FBXL13: variants seen among roughly 807,000 people sequenced by gnomAD.
FBXL13 encodes F-box and leucine-rich repeat protein 13.
A neutral mutation model predicts 83.6 loss-of-function variants in FBXL13; 67 were observed. The observed-to-expected ratio is 0.80, with a 90% CI of 0.66 to 0.98. The LOEUF (loss-of-function observed/expected upper bound fraction) is 0.98. Among genes scored for constraint, FBXL13 ranks in the 50% least tolerant of loss-of-function variants. FBXL13 has a pLI of 0.00. For missense variants in FBXL13, 822 were observed against 866.5 expected, an observed-to-expected ratio of 0.95 and a Z score of 0.64; for synonymous variants, 272 against 299.5, an observed-to-expected ratio of 0.91 and a Z score of 0.95.
At chr7:102,848,905 C>T (rs1003785906) in intron 17 of FBXL13, among the ~76,000 whole-genome samples, 1 of 152,076 alleles carries the variant, frequency 6.6e-6, no homozygotes, top group African/African-American at 2.4e-5. Flanking sequence ...GAGGCTGAGG[C>T]AGGGGAATCA....
At chr7:102,921,012 C>T (rs1025583856) in intron 10 of FBXL13, among the ~76,000 whole-genome samples, 9 of 151,910 alleles carry the variant, frequency 5.9e-5, no homozygotes, top group African/African-American at 1.9e-4. Context: ...ATTAGCCTGG[C>T]GTGGTGGCGG....
In FBXL13 at chr7:102,962,774, C is replaced by T. The variant is rs548716995; in HGVS notation, c.724+759G>A. The stretch of plus-strand genomic sequence containing the variant: ...ACATATTCTCACTCATAGGTGGGAA[C>T]TGAACAATGAGATCACATGGACACA... On this transcript the variant is annotated intron_variant, in intron 8 of 19. Transcript: ENST00000313221. Among the ~76,000 whole-genome samples the T allele has an allele frequency of 2.3e-4, 34 of 145,474 alleles. No individual in the cohort carries two copies. In the South Asian group the frequency reaches 4.3e-3, roughly 18 times the overall value.
At chr7:102,893,687 G>A in intron 11 of FBXL13, among the ~76,000 whole-genome samples, 1 of 150,278 alleles carries the variant, frequency 6.7e-6, no homozygotes, top group Non-Finnish European at 1.5e-5. Context: ...AGAATGGTGT[G>A]AACCTGGGAG....
intron 8 of FBXL13, among the ~76,000 whole-genome samples, chr7:102,950,234 T>A (rs533311817): frequency 1.3e-5 from 2 of 152,292 alleles, no homozygotes; most frequent in South Asian, 4.1e-4. Context: ...ATAACAAATG[T>A]CATCAGGGAA....
At chr7:102,878,409 G>C (rs770563594) in exon 15 of FBXL13, 1 of 1,607,876 alleles carries the variant, frequency 6.2e-7, no homozygotes, top group Non-Finnish European at 8.5e-7. Flanking sequence ...CCTCATGCTT[G>C]CAGGACCATC....
chr7:102,958,333 CAAT>C (rs1169043624), intron 8 of FBXL13, among the ~76,000 whole-genome samples: 1 of 150,170 alleles, frequency 6.7e-6, no homozygotes, highest in Non-Finnish European at 1.5e-5. Context: ...GGGAAATGAA[CAAT>C]GAGATCACTT....
intron 19 of FBXL13, chr7:102,816,161 G>T (rs1415560641): frequency 6.6e-6 from 1 of 152,110 alleles, no homozygotes; most frequent in Non-Finnish European, 1.5e-5. Flanking sequence ...AACATCAGTG[G>T]GTCCCTGACT....
chr7:102,932,798 G>C (rs1356341331), intron 8 of FBXL13, among the ~76,000 whole-genome samples: 1 of 151,890 alleles, frequency 6.6e-6, no homozygotes, highest in Non-Finnish European at 1.5e-5. Flanking sequence ...TTGTAGAGAC[G>C]GGGTTTCCCC....
At chr7:102,826,732 T>TATATATAC (rs1799711236) in intron 18 of FBXL13, among the ~76,000 whole-genome samples, 1 of 40,404 alleles carries the variant, frequency 2.5e-5, no homozygotes, top group Non-Finnish European at 4.1e-5. Context: ...CTCATATATA[T>TATATATAC]ATATATATAT....
intron 18 of FBXL13, among the ~76,000 whole-genome samples, chr7:102,825,894 G>A (rs537421742): frequency 2.0e-5 from 3 of 152,230 alleles, no homozygotes; most frequent in Middle Eastern, 3.4e-3. Flanking sequence ...TAAATTCTCC[G>A]AGCCTCAGTT....
chr7:102,931,025 T>C (rs1485611671), intron 9 of FBXL13, among the ~76,000 whole-genome samples: 1 of 152,158 alleles, frequency 6.6e-6, no homozygotes, highest in Admixed American at 6.5e-5. Context: ...TAAGGATACT[T>C]ATCATAGGAA....
chr7:102,979,468 C>G (rs1026164028), intron 6 of FBXL13, among the ~76,000 whole-genome samples: 2 of 152,276 alleles, frequency 1.3e-5, no homozygotes, highest in Admixed American at 1.3e-4. Context: ...TGAGAAGACT[C>G]TTTTGTCACG....
At position 103,016,481 on chromosome 7, in the gene FBXL13, G is replaced by A. The variant is rs545628818; in HGVS notation, c.495+8582C>T. Among the ~76,000 whole-genome samples the A allele has an allele frequency of 1.3e-3, 201 of 151,874 alleles. 1 individual carries two copies. The highest frequency in any genetic ancestry group is 2.1e-3 in the Non-Finnish European group (143 of 67,934). ...CAGGTTCATCTCACTGGGGCTTGTC[G>A]GACAGTTGGTGCAGCCCACCGAGCG... On this transcript the variant is annotated intron_variant, in intron 6 of 19. Coordinates refer to ENST00000313221, the Ensembl canonical transcript of FBXL13.
chr7:102,848,995 C>T (rs75791719), intron 17 of FBXL13, among the ~76,000 whole-genome samples: 4,421 of 151,872 alleles, frequency 0.029, 188 homozygotes, highest in East Asian at 0.16. Context: ...AGCGAAACTC[C>T]ATCTCAAAAA....
intron 8 of FBXL13, among the ~76,000 whole-genome samples, chr7:102,963,037 A>C (rs1334333152): frequency 2.0e-5 from 3 of 149,742 alleles, no homozygotes; most frequent in African/African-American, 7.3e-5. Flanking sequence ...ACCAAGAACC[A>C]GCCGGGCACA....
chr7:103,001,435 G>A (rs540643349), intron 6 of FBXL13, among the ~76,000 whole-genome samples: 2 of 152,282 alleles, frequency 1.3e-5, no homozygotes, highest in African/African-American at 4.8e-5. Flanking sequence ...TGATAGGTAC[G>A]ATGGTTAATA....
intron 10 of FBXL13, among the ~76,000 whole-genome samples, chr7:102,924,498 A>G (rs1445237422): frequency 6.6e-6 from 1 of 152,166 alleles, no homozygotes; most frequent in Non-Finnish European, 1.5e-5. Flanking sequence ...AAAGCTTTAT[A>G]GATTTGACTA....
At chr7:102,944,437 G>C in intron 8 of FBXL13, 2 of 1,613,968 alleles carry the variant, frequency 1.2e-6, no homozygotes, top group Non-Finnish European at 1.7e-6. Context: ...AGAATACAAA[G>C]GATGGTCTGT....
rs769710859 is a variant in FBXL13, at chr7:102,968,141, A to C, written c.496-24T>G. 2.6e-6 allele frequency: 4 copies of C among 1,525,668 alleles called. No homozygotes were observed. In the East Asian group the frequency reaches 9.0e-5, roughly 34 times the overall value. 94.5% of individuals were successfully genotyped at this position (1,525,668 alleles called of 1,614,324 possible). A position where few individuals can be genotyped will look rare whatever the true frequency, so the allele number is the denominator to read the frequency against. ...ATCTAAACACAAAGAAAAATACACA[A>C]CTTTGAAAAATGTGAACTTTGATGT... On this transcript the variant is annotated intron_variant, in intron 6 of 19. Coordinates refer to ENST00000313221, the Ensembl canonical transcript of FBXL13.
Sources: allele counts gnomAD v4.1 joint callset (sites outside exome capture counted in the v4.1 genomes callset), GRCh38; gene constraint gnomAD v4.1.1; transcripts MANE v1.5; gene names NCBI Gene and HGNC (gene_info 2026-07-23, HGNC 2026-07-21).